The following LORICRIN variants were observed in gnomAD, a reference collection of about 807,000 sequenced individuals.
LORICRIN encodes loricrin cornified envelope precursor protein.
LORICRIN carries 5 observed loss-of-function variants against 3.3 expected under a neutral mutation model. The ratio of observed to expected loss-of-function variants is 1.52; its 90% confidence interval spans 0.79 to 3.19. The LOEUF is 3.19. Among genes scored for constraint, LORICRIN ranks in the 30% most tolerant of loss-of-function variants. The pLI, the probability that LORICRIN is intolerant of heterozygous loss-of-function variation, is 0.00. For missense variants in LORICRIN, 524 were observed against 460.2 expected (o/e 1.14, Z -1.27); for synonymous variants, 237 against 231.4 (o/e 1.02, Z -0.22).
At position 153,261,535 on chromosome 1, in the gene LORICRIN, T is replaced by TCTGGCG. The variant is rs1557795781; in HGVS notation, c.586_587insCTGGCG (p.Cys196delinsSerGlyGly). 3.9e-5 allele frequency: 22 copies of TCTGGCG among 570,416 alleles called. No individual in the cohort carries two copies. The highest frequency in any genetic ancestry group is 1.2e-4 in the Admixed American group (3 of 24,838). 35.3% of individuals were successfully genotyped at this position (570,416 alleles called of 1,614,324 possible). A position where few individuals can be genotyped will look rare whatever the true frequency, so the allele number is the denominator to read the frequency against. On this transcript the variant is annotated protein_altering_variant, in exon 2 of 2. Transcript: ENST00000368742. ...CGGCTACTCTGGCGGCGGCTCTGGC[T>TCTGGCG]GCGGCGGAGGCTCCTCTGGCGGCAG...
At position 153,260,911 on chromosome 1, in the gene LORICRIN, T is replaced by C. The variant is rs778820012; in HGVS notation, c.-23-16T>C. 2.0e-6 allele frequency: 3 copies of C among 1,530,740 alleles called. No individual in the cohort carries two copies. 94.8% of individuals were successfully genotyped at this position (1,530,740 alleles called of 1,614,324 possible). On this transcript the variant is annotated splice_polypyrimidine_tract_variant and intron_variant, in intron 1 of 1. Coordinates refer to ENST00000368742, the MANE Select transcript of LORICRIN (RefSeq NM_000427.3). ...TCTTGCAGCTGGTCCAGCGATGCTC[T>C]CTTCTCCCCTTCCAGGCTCTCCTTC...
At position 153,261,023 on chromosome 1, in the gene LORICRIN, G is replaced by A. The variant is rs1224449945; in HGVS notation, c.74G>A (p.Gly25Asp). ...GTGAAGACCTCTGGCGGCGGTGGCG[G>A]TGGCGGCGGCAGCGGCGGTGGTGGC... ...DCVKTSGGGGGGGGSGGGGCG... is the reference protein window; with the variant it reads ...DCVKTSGGGGDGGGSGGGGCG... The change falls in exon 2 of 2, where the codon GGT becomes GAT. Residue 25 changes from glycine (G) to aspartate (D), a missense_variant. Transcript: ENST00000368742. 1 of 1,565,024 alleles carries A rather than the reference G, an allele frequency of 6.4e-7. No homozygotes were observed. Among genetic ancestry groups the A allele is most frequent in the South Asian group, 1.2e-5 (1 of 86,620 alleles).
chr1:153,261,679 G>T lies in LORICRIN; in HGVS notation c.730G>T (p.Gly244Cys), dbSNP rs1436412867. The change falls in exon 2 of 2, where the codon GGC (glycine) becomes TGC (cysteine). Residue 244 changes from glycine to cysteine, a missense_variant. By Grantham distance (159) the Gly-to-Cys change is radical. Transcript: ENST00000368742. ...CGGCGGAAGCGGCTGCTTCTCCAGC[G>T]GCGGGGGCGGCGGGAGCTCCGGCTG... ...GSGGSGCFSS[G>C]GGGGSSGCGG... 3 of 1,504,644 alleles carry T rather than the reference G, an allele frequency of 2.0e-6. No homozygotes were observed. The highest frequency in any genetic ancestry group is 1.4e-5 in the African/African-American group (1 of 69,700). 93.2% of individuals were successfully genotyped at this position (1,504,644 alleles called of 1,614,324 possible).
chr1:153,260,851 G>T, intron 1 of LORICRIN, 76 bp from the exon 2 acceptor site: 1 of 1,065,014 alleles, frequency 9.4e-7, no homozygotes, highest in Non-Finnish European at 1.4e-6. Flanking sequence ...GGATGGCGAT[G>T]TTGCCTATGG....
chr1:153,261,467 G>A lies in LORICRIN; in HGVS notation c.518G>A (p.Gly173Asp). The A allele has an allele frequency of 6.7e-7, 1 of 1,495,792 alleles. No individual in the cohort carries two copies. Among genetic ancestry groups the A allele is most frequent in the Non-Finnish European group, 8.9e-7 (1 of 1,127,598 alleles). The allele number at this position is 1,495,792 out of a possible 1,614,324, so 92.7% of individuals were successfully genotyped here. ...GVSSGGSSGG[G>D]SGCFSSGGGG... ...TCTAGCGGCGGCTCCTCCGGGGGCG[G>A]CTCCGGCTGCTTCTCCAGCGGCGGG... The change falls in exon 2 of 2, where the codon GGC becomes GAC. Residue 173 changes from glycine to aspartate, a missense_variant. Transcript: ENST00000368742.
rs1253460787 is a variant in LORICRIN at position 153,261,131 on chromosome 1, G to C, written c.182G>C (p.Gly61Ala). The C allele has an allele frequency of 6.6e-6, 9 of 1,354,516 alleles. No individual in the cohort carries two copies. Among genetic ancestry groups the C allele is most frequent in the Non-Finnish European group, 8.5e-6 (9 of 1,063,008 alleles). The allele number at this position is 1,354,516 out of a possible 1,614,324, so 83.9% of individuals were successfully genotyped here. The change falls in exon 2 of 2, where the codon GGC becomes GCC. Residue 61 changes from glycine (G) to alanine (A), a missense_variant. By Grantham distance (60) the Gly-to-Ala change is moderately conservative (BLOSUM62 0). Coordinates refer to ENST00000368742, the MANE Select transcript of LORICRIN (RefSeq NM_000427.3). ...TACTCCGGCGGCGGTGGCTACTCTGGCGGCGGCTGCGGCGGGGGCTCCTCC... is the reference window on the plus strand; with the variant it reads ...TACTCCGGCGGCGGTGGCTACTCTGCCGGCGGCTGCGGCGGGGGCTCCTCC... ...CGYSGGGGYS[G>A]GGCGGGSSGG...
rs755098523 is a variant in LORICRIN, at chr1:153,261,953, GA to G, written c.*66del. ...TTTTCCAGGGGCACCGATGGGCTTA[GA>G]GCTCTCATGATGCTACCCGAGGTTT... On this transcript the variant is annotated 3_prime_UTR_variant, in exon 2 of 2. Transcript: ENST00000368742. 6.7e-7 allele frequency: 1 copy of G among 1,498,656 alleles called. No individual in the cohort carries two copies. Among genetic ancestry groups the G allele is most frequent in the Non-Finnish European group, 9.2e-7 (1 of 1,091,966 alleles). 92.8% of individuals were successfully genotyped at this position (1,498,656 alleles called of 1,614,324 possible).
chr1:153,260,809 G>C lies in LORICRIN; in HGVS notation c.-23-118G>C, dbSNP rs138113316. ...CAGCAATCATAAGAAACCCCGCTGAGGGCTCTCCGGGCACCTGAAGGAGCC... is the reference window on the plus strand; with the variant it reads ...CAGCAATCATAAGAAACCCCGCTGACGGCTCTCCGGGCACCTGAAGGAGCC... On this transcript the variant is annotated intron_variant, in intron 1 of 1. Coordinates refer to ENST00000368742, the MANE Select transcript of LORICRIN (RefSeq NM_000427.3). 7.7e-6 allele frequency: 5 copies of C among 648,724 alleles called. No individual in the cohort carries two copies. The African/African-American group carries it at 9.5e-5, about 12-fold the overall frequency. 40.2% of individuals were successfully genotyped at this position (648,724 alleles called of 1,614,324 possible).
chr1:153,261,599 C>G lies in LORICRIN; in HGVS notation c.650C>G (p.Thr217Ser). The change falls in exon 2 of 2, where the codon ACC becomes AGC. Residue 217 changes from threonine to serine, a missense_variant. Thr to Ser is a moderately conservative substitution (Grantham distance 58). Transcript: ENST00000368742. ...GTCTCCTCGCAGCAGGTCACTCAGA[C>G]CTCGTGCGCGCCCCAGCCGAGTTAC... ...GYVSSQQVTQTSCAPQPSYGG... is the reference protein window; with the variant it reads ...GYVSSQQVTQSSCAPQPSYGG... The G allele has an allele frequency of 6.6e-7, 1 of 1,515,786 alleles. No homozygotes were observed. Among genetic ancestry groups the G allele is most frequent in the Non-Finnish European group, 8.8e-7 (1 of 1,140,908 alleles). The allele number at this position is 1,515,786 out of a possible 1,614,324, so 93.9% of individuals were successfully genotyped here.
At position 153,261,772 on chromosome 1, in the gene LORICRIN, G is replaced by T; in HGVS notation, c.823G>T (p.Gly275Cys). ...ISGGGSVCGG[G>C]SSGGGGGGSS... ...TGGCGGGGGCTCCGTCTGCGGAGGT[G>T]GTTCCTCTGGAGGCGGCGGCGGCGG... Residue 275 changes from glycine to cysteine, a missense_variant, in exon 2 of 2, where the codon GGT (glycine) becomes TGT (cysteine). Physicochemically the swap from Gly to Cys is radical, Grantham distance 159 (BLOSUM62 -3). Transcript: ENST00000368742. 1 of 1,596,496 alleles carries T rather than the reference G, an allele frequency of 6.3e-7. No homozygotes were observed. Among genetic ancestry groups the T allele is most frequent in the Non-Finnish European group, 8.5e-7 (1 of 1,173,602 alleles).
At chr1:153,260,829 G>A (rs1192822276) in intron 1 of LORICRIN, 98 bp from the exon 2 acceptor site, 3 of 813,646 alleles carry the variant, frequency 3.7e-6, no homozygotes, top group Non-Finnish European at 5.7e-6. Flanking sequence ...GGCACCTGAA[G>A]GAGCCCTGGG....
chr1:153,261,643 G>GGCGGCGGCAGCGGCGGAA lies in LORICRIN; in HGVS notation c.700_717dup (p.Gly234_Gly239dup). ...GAGTTACGGAGGGGGGTCGTCCGGC[G>GGCGGCGGCAGCGGCGGAA]GCGGCGGCAGCGGCGGAAGCGGCTG... On this transcript the variant is annotated inframe_insertion, in exon 2 of 2. Transcript: ENST00000368742. 1.3e-6 allele frequency: 2 copies of GGCGGCGGCAGCGGCGGAA among 1,515,836 alleles called. No individual in the cohort carries two copies. Among genetic ancestry groups the GGCGGCGGCAGCGGCGGAA allele is most frequent in the Admixed American group, 4.1e-5 (2 of 48,526 alleles). The allele number at this position is 1,515,836 out of a possible 1,614,324, so 93.9% of individuals were successfully genotyped here.
rs753636729 is a variant in LORICRIN, at chr1:153,261,022, G to GGTGGCA, written c.78_79insAGTGGC (p.Gly26_Gly27insSerGly). 1.9e-6 allele frequency: 3 copies of GGTGGCA among 1,565,472 alleles called. No individual in the cohort carries two copies. The highest frequency in any genetic ancestry group is 1.4e-5 in the African/African-American group (1 of 71,384). The stretch of plus-strand genomic sequence containing the variant: ...CGTGAAGACCTCTGGCGGCGGTGGC[G>GGTGGCA]GTGGCGGCGGCAGCGGCGGTGGTGG... On this transcript the variant is annotated inframe_insertion, in exon 2 of 2. Coordinates refer to ENST00000368742, the MANE Select transcript of LORICRIN (RefSeq NM_000427.3).
chr1:153,261,065 G>C lies in LORICRIN; in HGVS notation c.116G>C (p.Gly39Ala), dbSNP rs775633366. Residue 39 changes from glycine (G) to alanine (A), a missense_variant, in exon 2 of 2, where the codon GGC (glycine) becomes GCC (alanine). Gly to Ala is a moderately conservative substitution (Grantham distance 60). Transcript: ENST00000368742. ...GGTGGTGGCTGCGGCTTCTTCGGCGGCGGCGGCTCAGGGGGCGGTAGCAGC... is the reference window on the plus strand; with the variant it reads ...GGTGGTGGCTGCGGCTTCTTCGGCGCCGGCGGCTCAGGGGGCGGTAGCAGC... ...SGGGGCGFFG[G>A]GGSGGGSSGS... The C allele has an allele frequency of 6.6e-7, 1 of 1,523,352 alleles. No individual in the cohort carries two copies. Among genetic ancestry groups the C allele is most frequent in the Non-Finnish European group, 8.8e-7 (1 of 1,131,230 alleles). 94.4% of individuals were successfully genotyped at this position (1,523,352 alleles called of 1,614,324 possible).
Position 153,261,685 on chromosome 1 carries a change from G to GGCGGCGGGAGCTCCGGCT in LORICRIN, c.744_761dup (p.Ser249_Gly254dup). On this transcript the variant is annotated inframe_insertion, in exon 2 of 2. Transcript: ENST00000368742. ...AAGCGGCTGCTTCTCCAGCGGCGGG[G>GGCGGCGGGAGCTCCGGCT]GCGGCGGGAGCTCCGGCTGCGGCGG... 1 of 1,506,678 alleles carries GGCGGCGGGAGCTCCGGCT rather than the reference G, an allele frequency of 6.6e-7. No homozygotes were observed. The highest frequency in any genetic ancestry group is 1.3e-5 in the South Asian group (1 of 79,344). The allele number at this position is 1,506,678 out of a possible 1,614,324, so 93.3% of individuals were successfully genotyped here.
In LORICRIN at chr1:153,261,608, C is replaced by A. The variant is rs1187607781; in HGVS notation, c.659C>A (p.Ala220Glu). The A allele has an allele frequency of 2.4e-5, 36 of 1,513,278 alleles. No homozygotes were observed. Among genetic ancestry groups the A allele is most frequent in the Non-Finnish European group, 3.1e-5 (35 of 1,139,784 alleles). The allele number at this position is 1,513,278 out of a possible 1,614,324, so 93.7% of individuals were successfully genotyped here. The change falls in exon 2 of 2, where the codon GCG (alanine) becomes GAG (glutamate). Residue 220 changes from alanine (A) to glutamate (E), a missense_variant. Transcript: ENST00000368742. ...CAGCAGGTCACTCAGACCTCGTGCG[C>A]GCCCCAGCCGAGTTACGGAGGGGGG... ...SSQQVTQTSC[A>E]PQPSYGGGSS...
rs772793000 is a variant in LORICRIN at position 153,261,812 on chromosome 1, G to A, written c.863G>A (p.Gly288Asp). ...GGGGGGSSVG[G>D]SGSGKGVPIC... ...GGCGGCGGCGGCTCCTCCGTGGGTG[G>A]CTCCGGGAGTGGCAAGGGCGTCCCG... The change falls in exon 2 of 2, where the codon GGC becomes GAC. Residue 288 changes from glycine to aspartate, a missense_variant. Coordinates refer to ENST00000368742, the MANE Select transcript of LORICRIN (RefSeq NM_000427.3). 1.2e-5 allele frequency: 19 copies of A among 1,609,866 alleles called. No homozygotes were observed. The highest frequency in any genetic ancestry group is 1.6e-5 in the Non-Finnish European group (19 of 1,178,856).
In LORICRIN at chr1:153,261,350, G is replaced by A. The variant is rs1311447617; in HGVS notation, c.401G>A (p.Gly134Asp). 5 of 1,483,708 alleles carry A rather than the reference G, an allele frequency of 3.4e-6. No individual in the cohort carries two copies. Among genetic ancestry groups the A allele is most frequent in the Admixed American group, 2.2e-5 (1 of 45,008 alleles). The allele number at this position is 1,483,708 out of a possible 1,614,324, so 91.9% of individuals were successfully genotyped here. Residue 134 changes from glycine to aspartate, a missense_variant, in exon 2 of 2, where the codon GGC becomes GAC. Coordinates refer to ENST00000368742, the MANE Select transcript of LORICRIN (RefSeq NM_000427.3). ...GGSGCFSSGG[G>D]GSSGGGSGCF... ...TCCGGCTGCTTCTCCAGCGGTGGGG[G>A]CGGCTCCTCCGGGGGCGGCTCCGGC...
chr1:153,261,415 G>C lies in LORICRIN; in HGVS notation c.466G>C (p.Val156Leu), dbSNP rs555551529. 1,112 of 1,487,086 alleles carry C rather than the reference G, an allele frequency of 7.5e-4. 12 individuals are homozygous for C. The South Asian group carries it at 0.011, about 15-fold the overall frequency. The allele number at this position is 1,487,086 out of a possible 1,614,324, so 92.1% of individuals were successfully genotyped here. A position where few individuals can be genotyped will look rare whatever the true frequency, so the allele number is the denominator to read the frequency against. The change falls in exon 2 of 2, where the codon GTC becomes CTC. Residue 156 changes from valine (V) to leucine (L), a missense_variant. Coordinates refer to ENST00000368742, the MANE Select transcript of LORICRIN (RefSeq NM_000427.3). ...CGGCGGCGGCTTCTCGGGCCAGGCGGTCCAGTGCCAGAGCTACGGAGGCGT... is the reference window on the plus strand; with the variant it reads ...CGGCGGCGGCTTCTCGGGCCAGGCGCTCCAGTGCCAGAGCTACGGAGGCGT... ...SGGGGFSGQA[V>L]QCQSYGGVSS...
Sources: allele counts gnomAD v4.1 joint callset, GRCh38; gene constraint gnomAD v4.1.1; transcripts MANE v1.5; gene names NCBI Gene and HGNC (gene_info 2026-07-23, HGNC 2026-07-21).